Variants in HDAC9 observed in about 807,000 individuals in gnomAD.
The protein encoded by HDAC9 is MEF-2 interacting transcription repressor (MITR) protein.
A neutral mutation model predicts 139.4 loss-of-function variants in HDAC9; 41 were observed. That is an observed-to-expected ratio of 0.29 (90% CI 0.23 to 0.38). HDAC9 has a LOEUF of 0.38. Ranked by LOEUF, HDAC9 falls within the 10% of genes least tolerant of loss-of-function variation. The pLI, the probability that HDAC9 is intolerant of heterozygous loss-of-function variation, is 1.00. For synonymous variants in HDAC9, 517 were observed against 476.2 expected (o/e 1.09, Z -1.12); for missense variants, 1,147 against 1,297.0 (o/e 0.88, Z 1.78).
At chr7:18,735,907 A>C (rs1178144) in intron 13 of HDAC9, among the ~76,000 whole-genome samples, 120,161 of 152,170 alleles carry the variant, frequency 0.79, 48,174 homozygotes, top group East Asian at 0.96. Flanking sequence ...TCTCCTATTT[A>C]CTTGAGCAGT....
At chr7:18,390,258 G>C (rs571048879) in intron 1 of HDAC9, among the ~76,000 whole-genome samples, 1 of 152,090 alleles carries the variant, frequency 6.6e-6, no homozygotes, top group African/African-American at 2.4e-5. Context: ...AGTAGTGTTT[G>C]CATGGCTCTT....
chr7:18,412,612 G>A (rs974543019), intron 1 of HDAC9, among the ~76,000 whole-genome samples: 3 of 152,112 alleles, frequency 2.0e-5, no homozygotes, highest in Non-Finnish European at 2.9e-5. Context: ...CTTGCTGGCC[G>A]TTGCATCACT....
At chr7:18,325,461 A>T (rs1046592714) in intron 1 of HDAC9, 2 of 152,066 alleles carry the variant, frequency 1.3e-5, no homozygotes, top group Admixed American at 1.3e-4. Flanking sequence ...TAGTCACCAC[A>T]ATGTAATTAT....
intron 12 of HDAC9, among the ~76,000 whole-genome samples, chr7:18,710,097 G>A (rs916651411): frequency 1.4e-4 from 21 of 152,296 alleles, no homozygotes; most frequent in Non-Finnish European, 2.5e-4. Context: ...GGTGGCAGCA[G>A]GCAAAAGAGC....
intron 1 of HDAC9, among the ~76,000 whole-genome samples, chr7:18,295,741 G>C (rs1001626019): frequency 6.6e-6 from 1 of 152,056 alleles, no homozygotes; most frequent in African/African-American, 2.4e-5. Context: ...GTTCTCAACC[G>C]GGGGCAGTTT....
intron 8 of HDAC9, among the ~76,000 whole-genome samples, chr7:18,640,630 T>A (rs1222550290): frequency 6.6e-6 from 1 of 151,980 alleles, no homozygotes; most frequent in East Asian, 1.9e-4. Flanking sequence ...TATATGAATT[T>A]TTACATCATA....
intron 17 of HDAC9, among the ~76,000 whole-genome samples, chr7:18,800,834 A>AAATAAT (rs372030656): frequency 4.6e-5 from 7 of 151,452 alleles, no homozygotes; most frequent in Admixed American, 1.3e-4. Flanking sequence ...CCTTGTTTCA[A>AAATAAT]AATAATAATA....
Position 18,971,813 on chromosome 7 carries a change from A to C in HDAC9, c.3023-3993A>C, listed in dbSNP as rs77746190. Among the ~76,000 whole-genome samples the C allele has an allele frequency of 3.3e-5, 5 of 152,368 alleles. No individual in the cohort carries two copies. In the East Asian group the frequency reaches 9.6e-4, roughly 29 times the overall value. Reference sequence around the variant, plus strand: ...TAATATTTAATCTTAACTTAGCAGGATATTTTATACACATTCAATTTTATC... The same window carrying C: ...TAATATTTAATCTTAACTTAGCAGGCTATTTTATACACATTCAATTTTATC... On this transcript the variant is annotated intron_variant, in intron 24 of 25. Transcript: ENST00000686413.
chr7:18,252,941 T>G (rs1795011657), intron 2 of HDAC9, among the ~76,000 whole-genome samples: 2 of 152,118 alleles, frequency 1.3e-5, no homozygotes, highest in Non-Finnish European at 2.9e-5. Flanking sequence ...CCAGTGTGTG[T>G]TGTTCCCCTC....
chr7:18,466,608 T>A (rs917677619), intron 1 of HDAC9, among the ~76,000 whole-genome samples: 4 of 152,216 alleles, frequency 2.6e-5, no homozygotes, highest in Non-Finnish European at 5.9e-5. Flanking sequence ...TCCTCTGACT[T>A]CCTCTCCTAC....
At chr7:18,107,924 C>A (rs1453870238) in intron 1 of HDAC9, among the ~76,000 whole-genome samples, 1 of 152,146 alleles carries the variant, frequency 6.6e-6, no homozygotes, top group Admixed American at 6.5e-5. Flanking sequence ...CTTGTTTCGA[C>A]CCTATATGTC....
chr7:18,682,783 G>A (rs905476516), intron 12 of HDAC9, among the ~76,000 whole-genome samples: 2 of 151,754 alleles, frequency 1.3e-5, no homozygotes, highest in African/African-American at 2.4e-5. Context: ...AGGAGTTCGA[G>A]ACCAGCCTGG....
At chr7:18,382,405 T>C (rs1396369680) in intron 1 of HDAC9, among the ~76,000 whole-genome samples, 1 of 152,240 alleles carries the variant, frequency 6.6e-6, no homozygotes, top group East Asian at 1.9e-4. Context: ...ATATAATTCT[T>C]AGAAATATGA....
At chr7:18,124,896 T>C in intron 1 of HDAC9, among the ~76,000 whole-genome samples, 1 of 139,600 alleles carries the variant, frequency 7.2e-6, no homozygotes, top group African/African-American at 2.6e-5. Flanking sequence ...TTTCTTTCTT[T>C]TTCTTTTTTT....
intron 1 of HDAC9, among the ~76,000 whole-genome samples, chr7:18,447,883 C>T (rs1792441784): frequency 6.6e-6 from 1 of 152,136 alleles, no homozygotes; most frequent in Non-Finnish European, 1.5e-5. Context: ...ACCCTGTCAC[C>T]CACGCTGTAG....
chr7:18,610,383 C>G (rs1446602258), intron 6 of HDAC9, among the ~76,000 whole-genome samples: 1 of 151,940 alleles, frequency 6.6e-6, no homozygotes, highest in Non-Finnish European at 1.5e-5. Context: ...TGCAGTAATG[C>G]TCTCCCTCCA....
chr7:18,778,348 A>G (rs1046941206), intron 16 of HDAC9, among the ~76,000 whole-genome samples: 1 of 152,028 alleles, frequency 6.6e-6, no homozygotes, highest in Non-Finnish European at 1.5e-5. Context: ...TAGAACACTG[A>G]AAAGTCTCTG....
At chr7:18,784,538 G>A (rs146960223) in intron 16 of HDAC9, among the ~76,000 whole-genome samples, 1 of 152,112 alleles carries the variant, frequency 6.6e-6, no homozygotes, top group African/African-American at 2.4e-5. Flanking sequence ...AAGGCCACCA[G>A]GTGCTTGCCC....
intron 1 of HDAC9, among the ~76,000 whole-genome samples, chr7:18,345,190 G>A (rs1782310655): frequency 6.6e-6 from 1 of 151,984 alleles, no homozygotes; most frequent in African/African-American, 2.4e-5. Flanking sequence ...ACCTGAAAGG[G>A]ATATTGTGTT....
Sources: gnomAD v4.1 joint callset for allele counts (sites outside exome capture counted in the v4.1 genomes callset) on GRCh38, gnomAD v4.1.1 for gene constraint, MANE v1.5 for transcripts, NCBI Gene and HGNC (gene_info 2026-07-23, HGNC 2026-07-21) for gene names.